The following ZNF143 variants were observed in gnomAD, a reference collection of about 807,000 sequenced individuals.
ZNF143 encodes the protein SPH-binding factor.
ZNF143 carries 49 observed loss-of-function variants against 74.1 expected under a neutral mutation model. The observed-to-expected ratio is 0.66, with a 90% CI of 0.53 to 0.84. ZNF143 has a LOEUF of 0.84. ZNF143 is among the 40% of genes least tolerant of loss of function. The probability of loss-of-function intolerance (pLI) is 0.00; values close to 1 mark genes in which losing one functional copy is unlikely to be tolerated. For synonymous variants in ZNF143, 304 were observed against 282.8 expected (o/e 1.07, Z -0.75); for missense variants, 637 against 793.4 (o/e 0.80, Z 2.37).
At chr11:9,488,210 A>G (rs778019654) in intron 7 of ZNF143, among the ~76,000 whole-genome samples, 11 of 152,162 alleles carry the variant, frequency 7.2e-5, no homozygotes, top group Non-Finnish European at 1.5e-4. Context: ...AGATTGCACC[A>G]CTGCACTCCA....
At chr11:9,499,312 C>G (rs1372960515) in intron 10 of ZNF143, among the ~76,000 whole-genome samples, 1 of 152,038 alleles carries the variant, frequency 6.6e-6, no homozygotes, top group Non-Finnish European at 1.5e-5. Context: ...ACAGTTGATT[C>G]CCTATCATAG....
chr11:9,501,030 A>G, intron 10 of ZNF143, 61 bp from the exon 11 acceptor site: 1 of 1,583,724 alleles, frequency 6.3e-7, no homozygotes, highest in South Asian at 1.1e-5. Context: ...TTGAAGGATA[A>G]GACATTTTAA....
At chr11:9,496,164 T>A in intron 8 of ZNF143, 139 bp from the exon 9 acceptor site, 3 of 686,636 alleles carry the variant, frequency 4.4e-6, no homozygotes, top group Non-Finnish European at 7.5e-6. Context: ...GCTATCGTTT[T>A]TGTGAAGTTA....
At chr11:9,481,974 C>CTTT (rs71034714) in intron 7 of ZNF143, among the ~76,000 whole-genome samples, 6 of 122,376 alleles carry the variant, frequency 4.9e-5, no homozygotes, top group East Asian at 2.4e-4. Context: ...ACCCATTACT[C>CTTT]TTTTTTTTTT....
At chr11:9,471,773 A>T (rs1011709585) in intron 2 of ZNF143, among the ~76,000 whole-genome samples, 1 of 151,998 alleles carries the variant, frequency 6.6e-6, no homozygotes, top group Non-Finnish European at 1.5e-5. Context: ...GCTGGTCTCA[A>T]ACTCCTGACC....
intron 1 of ZNF143, chr11:9,463,687 A>G (rs1856008792): frequency 6.6e-6 from 1 of 152,208 alleles, no homozygotes; most frequent in South Asian, 2.1e-4. Flanking sequence ...CCCTTATCAG[A>G]TACATGGTTT....
At chr11:9,474,790 A>G (rs1159654750) in intron 5 of ZNF143, among the ~76,000 whole-genome samples, 157 bp downstream of exon 5, 2 of 152,190 alleles carry the variant, frequency 1.3e-5, no homozygotes, top group Non-Finnish European at 2.9e-5. Flanking sequence ...TTAAGGAAAA[A>G]TTTTCCTACA....
intron 14 of ZNF143, among the ~76,000 whole-genome samples, chr11:9,521,364 A>G (rs905513505): frequency 2.0e-5 from 3 of 152,182 alleles, no homozygotes; most frequent in African/African-American, 7.2e-5. Context: ...TCTATAATTT[A>G]TTATGAAATT....
chr11:9,503,614 C>A (rs545639568), intron 11 of ZNF143, among the ~76,000 whole-genome samples: 3 of 149,344 alleles, frequency 2.0e-5, no homozygotes, highest in East Asian at 3.9e-4. Flanking sequence ...TTTTGATTTG[C>A]ATTTTTCTGA....
chr11:9,507,920 T>C (rs1264512632), intron 11 of ZNF143, among the ~76,000 whole-genome samples: 1 of 152,218 alleles, frequency 6.6e-6, no homozygotes, highest in Non-Finnish European at 1.5e-5. Context: ...TAGTTGAAGC[T>C]GGATGATTGG....
intron 12 of ZNF143, 67 bp downstream of exon 12, chr11:9,508,913 G>A: frequency 6.9e-7 from 1 of 1,452,688 alleles, no homozygotes; most frequent in Non-Finnish European, 9.4e-7. Flanking sequence ...CATAATTTAT[G>A]ATTCATAGCA....
chr11:9,472,726 A>G lies in ZNF143; in HGVS notation c.162A>G (p.Thr54=). ...NMEGVSLQAV[T]LADGSTAYIQ... is the part of the protein sequence containing the mutation. ...AAGGCGTAAGCTTGCAAGCAGTAAC[A>G]CTTGCAGATGGTTCTACTGCTTACA... Residue 54 remains threonine, a synonymous_variant, in exon 3 of 16, where the codon ACA becomes ACG. Transcript: ENST00000396602. The G allele has an allele frequency of 6.2e-7, 1 of 1,602,804 alleles. No individual in the cohort carries two copies. Among genetic ancestry groups the G allele is most frequent in the Non-Finnish European group, 8.5e-7 (1 of 1,176,526 alleles).
At chr11:9,492,691 A>G (rs1323856680) in intron 7 of ZNF143, among the ~76,000 whole-genome samples, 2 of 152,204 alleles carry the variant, frequency 1.3e-5, no homozygotes, top group Non-Finnish European at 2.9e-5. Flanking sequence ...AATTCTGTTC[A>G]TATATTTTAG....
At chr11:9,485,097 G>A (rs373131906) in intron 7 of ZNF143, among the ~76,000 whole-genome samples, 21 of 150,474 alleles carry the variant, frequency 1.4e-4, no homozygotes, top group East Asian at 5.8e-4. Context: ...GCGCCCGGCC[G>A]CCAAAGATTT....
Position 9,527,542 on chromosome 11 carries a change from C to T in ZNF143, c.1846C>T (p.Pro616Ser). 1.2e-6 allele frequency: 2 copies of T among 1,614,050 alleles called. No homozygotes were observed. Among genetic ancestry groups the T allele is most frequent in the Non-Finnish European group, 1.7e-6 (2 of 1,179,962 alleles). Reference protein sequence around the residue: ...TQIAVQLGEQPSLEEAIRIAS... With the variant: ...TQIAVQLGEQSSLEEAIRIAS... ...GTTCCTGTTTCAGCTTGGAGAACAGCCATCTCTGGAAGAAGCCATCAGAAT... is the reference window on the plus strand; with the variant it reads ...GTTCCTGTTTCAGCTTGGAGAACAGTCATCTCTGGAAGAAGCCATCAGAAT... Residue 616 changes from proline (P) to serine (S), a missense_variant, in exon 16 of 16, where the codon CCA (proline) becomes TCA (serine). Transcript: ENST00000396602.
At chr11:9,482,936 GTTTC>G (rs962214363) in intron 7 of ZNF143, among the ~76,000 whole-genome samples, 2 of 151,138 alleles carry the variant, frequency 1.3e-5, no homozygotes, top group Admixed American at 1.3e-4. Flanking sequence ...AATTTCACCT[GTTTC>G]TTTTAATTTT....
At chr11:9,476,849 TC>T (rs1312542162) in intron 5 of ZNF143, among the ~76,000 whole-genome samples, 1 of 126,458 alleles carries the variant, frequency 7.9e-6, no homozygotes, top group Non-Finnish European at 1.6e-5. Flanking sequence ...AAGCTCCGCC[TC>T]CTGGGTTCAC....
At chr11:9,527,256 G>A (rs188750215) in intron 15 of ZNF143, among the ~76,000 whole-genome samples, 1 of 152,312 alleles carries the variant, frequency 6.6e-6, no homozygotes, top group African/African-American at 2.4e-5. Context: ...ACAGGCATGG[G>A]CCACCATGCC....
At chr11:9,473,405 A>AG (rs1402001738) in intron 3 of ZNF143, among the ~76,000 whole-genome samples, 1 of 151,646 alleles carries the variant, frequency 6.6e-6, no homozygotes, top group Non-Finnish European at 1.5e-5. Flanking sequence ...AAAAAAAAAA[A>AG]AAGACATTTG....
Sources: allele counts gnomAD v4.1 joint callset (sites outside exome capture counted in the v4.1 genomes callset), GRCh38; gene constraint gnomAD v4.1.1; transcripts MANE v1.5; gene names NCBI Gene and HGNC (gene_info 2026-07-23, HGNC 2026-07-21).